SEMA3D: variants seen among roughly 807,000 people sequenced by gnomAD.
SEMA3D encodes semaphorin-3D.
A neutral mutation model predicts 100.1 loss-of-function variants in SEMA3D; 84 were observed. The observed-to-expected ratio is 0.84, with a 90% confidence interval of 0.70 to 1.01. The LOEUF (loss-of-function observed/expected upper bound fraction) is 1.01, where lower values mean the gene tolerates loss of function less well. Among genes scored for constraint, SEMA3D ranks in the 50% least tolerant of loss-of-function variants. SEMA3D has a pLI of 0.00. For synonymous variants in SEMA3D, 312 were observed against 320.7 expected (o/e 0.97, Z 0.29); for missense variants, 875 against 934.1 (o/e 0.94, Z 0.82).
intron 9 of SEMA3D, among the ~76,000 whole-genome samples, chr7:85,042,861 T>TAAATGGGGAAAAAAAGTCTATA (rs1268551536): frequency 6.6e-6 from 1 of 151,958 alleles, no homozygotes; most frequent in African/African-American, 2.4e-5. Context: ...GTTTGATGAG[T>TAAATGGGGAAAAAAAGTCTATA]AAATGGGGAA....
chr7:85,093,723 A>G (rs1338846872), intron 4 of SEMA3D, among the ~76,000 whole-genome samples: 1 of 152,070 alleles, frequency 6.6e-6, no homozygotes, highest in Admixed American at 6.6e-5. Flanking sequence ...AAATTTAAAG[A>G]AACACACTAC....
At chr7:85,017,734 G>T (rs1186788045) in intron 15 of SEMA3D, among the ~76,000 whole-genome samples, 1 of 151,748 alleles carries the variant, frequency 6.6e-6, no homozygotes, top group East Asian at 1.9e-4. Flanking sequence ...TTATGTGCCT[G>T]CTCTCTGTTT....
chr7:85,032,843 T>G (rs1211330748), intron 12 of SEMA3D, among the ~76,000 whole-genome samples: 1 of 152,084 alleles, frequency 6.6e-6, no homozygotes, highest in Non-Finnish European at 1.5e-5. Context: ...ACATAATATT[T>G]GATGAAAGAG....
At chr7:85,037,647 G>A (rs1399142949) in intron 11 of SEMA3D, among the ~76,000 whole-genome samples, 1 of 151,364 alleles carries the variant, frequency 6.6e-6, no homozygotes, top group Non-Finnish European at 1.5e-5. Flanking sequence ...TTTCTTTTTG[G>A]TCCTCCTTGA....
the SEMA3D span, among the ~76,000 whole-genome samples, chr7:85,202,817 G>A: frequency 1.0e-5 from 1 of 99,274 alleles, no homozygotes; most frequent in Non-Finnish European, 1.9e-5. Flanking sequence ...AATTAGAATG[G>A]CAATCTCTTT....
At chr7:85,157,860 G>A (rs1020132424) in intron 1 of SEMA3D, among the ~76,000 whole-genome samples, 1 of 152,098 alleles carries the variant, frequency 6.6e-6, no homozygotes, top group South Asian at 2.1e-4. Context: ...AACATAAATT[G>A]TGAAGATTTC....
At chr7:85,177,291 T>G (rs1418773007) in intron 1 of SEMA3D, among the ~76,000 whole-genome samples, 1 of 152,164 alleles carries the variant, frequency 6.6e-6, no homozygotes, top group Non-Finnish European at 1.5e-5. Flanking sequence ...AAGTTTTAGC[T>G]TCTAAAAGTT....
upstream of SEMA3D, among the ~76,000 whole-genome samples, chr7:85,191,367 TAAAC>T (rs942692121): frequency 2.7e-5 from 4 of 146,666 alleles, no homozygotes; most frequent in African/African-American, 1.0e-4. Context: ...TAAGGAAAAA[TAAAC>T]AACTTTCCTA....
At chr7:85,208,344 G>A in the SEMA3D span, among the ~76,000 whole-genome samples, 1 of 151,954 alleles carries the variant, frequency 6.6e-6, no homozygotes. Context: ...ATAAGATATT[G>A]TAAATTTACA....
Position 84,999,083 on chromosome 7 carries a change from T to G in SEMA3D, c.*357A>C. On this transcript the variant is annotated 3_prime_UTR_variant, in exon 19 of 19. Transcript: ENST00000284136. ...ACTGCATGGTAAATTCCATGCTTAA[T>G]GGACATTCGAGGGAATAAAGCACCT... 1 of 230,872 alleles carries G rather than the reference T, an allele frequency of 4.3e-6. No individual in the cohort carries two copies. The highest frequency in any genetic ancestry group is 5.1e-5 in the Admixed American group (1 of 19,550). 14.3% of individuals were successfully genotyped at this position (230,872 alleles called of 1,614,324 possible). A position where few individuals can be genotyped will look rare whatever the true frequency, so the allele number is the denominator to read the frequency against.
chr7:85,204,988 G>A, the SEMA3D span, among the ~76,000 whole-genome samples: 4 of 151,972 alleles, frequency 2.6e-5, no homozygotes, highest in African/African-American at 7.3e-5. Context: ...TCTAATATAC[G>A]TGAGATGCTA....
chr7:85,040,187 C>G (rs1790818033), intron 11 of SEMA3D, among the ~76,000 whole-genome samples: 1 of 151,722 alleles, frequency 6.6e-6, no homozygotes. Context: ...ACTATGTTGT[C>G]CAGGCTGGTC....
At chr7:85,137,332 C>T (rs1368856710) in intron 2 of SEMA3D, among the ~76,000 whole-genome samples, 8 of 151,324 alleles carry the variant, frequency 5.3e-5, no homozygotes, top group Admixed American at 2.0e-4. Flanking sequence ...AGGGTATATA[C>T]AGGATATGAT....
chr7:85,123,479 A>G (rs566143501), intron 2 of SEMA3D, among the ~76,000 whole-genome samples: 2 of 152,264 alleles, frequency 1.3e-5, no homozygotes, highest in African/African-American at 4.8e-5. Context: ...CTTAAGTGAG[A>G]TCAGCTCTTC....
the SEMA3D span, among the ~76,000 whole-genome samples, chr7:85,223,706 C>A: frequency 3.9e-5 from 6 of 151,986 alleles, no homozygotes; most frequent in Admixed American, 3.9e-4. Context: ...TCAGTGGGAA[C>A]TAAACTATGA....
At chr7:85,243,756 T>C in the SEMA3D span, among the ~76,000 whole-genome samples, 1 of 152,230 alleles carries the variant, frequency 6.6e-6, no homozygotes, top group Non-Finnish European at 1.5e-5. Context: ...GACTTGCAGT[T>C]CTTTTCAGGA....
chr7:85,196,432 T>G, the SEMA3D span, among the ~76,000 whole-genome samples: 1 of 152,106 alleles, frequency 6.6e-6, no homozygotes, highest in East Asian at 1.9e-4. Flanking sequence ...CACAGAAATG[T>G]TAACCATAAA....
chr7:85,156,101 ATT>A (rs3078417), intron 1 of SEMA3D, among the ~76,000 whole-genome samples: 89,843 of 141,992 alleles, frequency 0.63, 28,273 homozygotes, highest in East Asian at 0.89. Flanking sequence ...AATATAAGTG[ATT>A]TTTTTTTTTT....
intron 8 of SEMA3D, 139 bp downstream of exon 8, chr7:85,065,285 G>A: frequency 1.1e-5 from 8 of 741,060 alleles, no homozygotes; most frequent in Non-Finnish European, 1.5e-5. Context: ...TTTCTTAGTG[G>A]GGAATTATTT....
Sources: allele counts gnomAD v4.1 joint callset (sites outside exome capture counted in the v4.1 genomes callset), GRCh38; gene constraint gnomAD v4.1.1; transcripts MANE v1.5; gene names NCBI Gene and HGNC (gene_info 2026-07-23, HGNC 2026-07-21).